ACOT7: variants seen among roughly 807,000 people sequenced by gnomAD.
ACOT7 encodes acyl-CoA thioesterase 7.
ACOT7 carries 12 observed loss-of-function variants against 40.2 expected under a neutral mutation model. The ratio of observed to expected loss-of-function variants is 0.30; its 90% CI spans 0.19 to 0.48. The LOEUF is 0.48. Among genes scored for constraint, ACOT7 ranks in the 20% least tolerant of loss-of-function variants. The pLI is 0.99. For missense variants in ACOT7, 395 were observed against 530.8 expected (o/e 0.74, Z 2.51); for synonymous variants, 228 against 219.5 (o/e 1.04, Z -0.34).
At chr1:6,302,112 G>A (rs1041408302) in intron 6 of ACOT7, among the ~76,000 whole-genome samples, 7 of 152,140 alleles carry the variant, frequency 4.6e-5, no homozygotes, top group Non-Finnish European at 7.3e-5. Context: ...CTAAGGACCC[G>A]GAACAGTGAC....
At chr1:6,300,435 G>C (rs139318151) in intron 6 of ACOT7, among the ~76,000 whole-genome samples, 35 of 151,798 alleles carry the variant, frequency 2.3e-4, no homozygotes, top group African/African-American at 8.5e-4. Context: ...GAGGCAGCCT[G>C]AGTCCATGAC....
intron 4 of ACOT7, among the ~76,000 whole-genome samples, chr1:6,327,842 C>T (rs542830860): frequency 5.1e-4 from 77 of 152,236 alleles, no homozygotes; most frequent in Admixed American, 7.8e-4. Context: ...GGCGTGATCT[C>T]AGCTCACTGC....
intron 2 of ACOT7, among the ~76,000 whole-genome samples, chr1:6,342,557 T>C (rs1035074895): frequency 6.6e-6 from 1 of 152,196 alleles, no homozygotes; most frequent in African/African-American, 2.4e-5. Flanking sequence ...CTCAAACTCC[T>C]CCTGGGCTCA....
chr1:6,280,503 C>T (rs542183591), intron 8 of ACOT7, among the ~76,000 whole-genome samples: 61 of 152,324 alleles, frequency 4.0e-4, no homozygotes, highest in African/African-American at 1.4e-3. Context: ...CCCCTGTGAA[C>T]GAGTGCGTGT....
At position 6,306,647 on chromosome 1, in the gene ACOT7, G is replaced by A. The variant is rs1640164780; in HGVS notation, c.713-11667C>T. The A allele has an allele frequency of 1.0e-6, 1 of 985,286 alleles. No homozygotes were observed. The highest frequency in any genetic ancestry group is 1.7e-5 in the African/African-American group (1 of 57,226). The allele number at this position is 985,286 out of a possible 1,614,324, so 61.0% of individuals were successfully genotyped here. ...CAGCCTGTGCCACTCAGCTTCACGA[G>A]GAAGAAAGCGGCGTCCCAAAGCATT... On this transcript the variant is annotated intron_variant, in intron 6 of 8. Transcript: ENST00000361521. This position sits in a 1 kb window ranked among gnomAD's most constrained non-coding sequence, Gnocchi z 4.3.
chr1:6,353,206 C>T (rs764385275), intron 1 of ACOT7, among the ~76,000 whole-genome samples: 23 of 151,832 alleles, frequency 1.5e-4, no homozygotes, highest in Non-Finnish European at 2.9e-4. Flanking sequence ...GGCGCAGTGG[C>T]TACTAGGGAG....
Position 6,393,387 on chromosome 1 carries a change from C to G in ACOT7, c.13G>C (p.Gly5Arg). MARP[G>R]LIHSAPGLPD... is the part of the protein sequence containing the mutation. ...AGGCCCGGCGCGGAATGAATGAGCCCGGGCCGCGCCATAAAGGGGGAGGGC... is the reference window on the plus strand; with the variant it reads ...AGGCCCGGCGCGGAATGAATGAGCCGGGGCCGCGCCATAAAGGGGGAGGGC... The change falls in exon 1 of 9, where the codon GGG becomes CGG. Residue 5 changes from glycine to arginine, a missense_variant. By Grantham distance (125) the Gly-to-Arg change is moderately radical. Around this residue, in one of 2 missense-constraint regions of ACOT7, gnomAD observed 86 missense variants for 60.5 expected, o/e 1.42. Transcript: ENST00000361521. 1 of 1,229,772 alleles carries G rather than the reference C, an allele frequency of 8.1e-7. No homozygotes were observed. Among genetic ancestry groups the G allele is most frequent in the Non-Finnish European group, 1.0e-6 (1 of 983,254 alleles). 76.2% of individuals were successfully genotyped at this position (1,229,772 alleles called of 1,614,324 possible). A position where few individuals can be genotyped will look rare whatever the true frequency, so the allele number is the denominator to read the frequency against.
rs796897736 is a variant in ACOT7 at position 6,388,780 on chromosome 1, C to T, written c.143+4477G>A. On this transcript the variant is annotated intron_variant, in intron 1 of 8. Transcript: ENST00000361521. Reference sequence around the variant, plus strand: ...AAGGCCGGGTGCGGTGGCTCACGCCCGTAATCCCAGCACTTTGGGAGGCCA... The same window carrying T: ...AAGGCCGGGTGCGGTGGCTCACGCCTGTAATCCCAGCACTTTGGGAGGCCA... Among the ~76,000 whole-genome samples the T allele has an allele frequency of 4.0e-4, 54 of 135,856 alleles. No individual in the cohort carries two copies. In the East Asian group the frequency reaches 0.01, roughly 26 times the overall value. 89.1% of individuals were successfully genotyped at this position (135,856 alleles called of 152,430 possible).
chr1:6,339,721 C>T, intron 2 of ACOT7, 132 bp from the exon 3 acceptor site: 15 of 980,422 alleles, frequency 1.5e-5, no homozygotes, highest in East Asian at 2.8e-5. Flanking sequence ...CAATGTATCA[C>T]CATTTATTGG....
Position 6,267,397 on chromosome 1 carries a change from G to A in ACOT7, c.1015-2702C>T, listed in dbSNP as rs183095007. 3.6e-3 allele frequency among the ~76,000 whole-genome samples: 556 copies of A among 152,342 alleles called. 5 individuals carry two copies. Among genetic ancestry groups the A allele is most frequent in the Non-Finnish European group, 2.1e-3 (142 of 68,034 alleles). On this transcript the variant is annotated intron_variant, in intron 8 of 8. Coordinates refer to ENST00000361521, the MANE Select transcript of ACOT7 (RefSeq NM_007274.4). ...ACCATGGGTGTCCTGGGGGGCTGGT[G>A]GGAATGGCCCGTCCAAGGCCAGGGC...
At chr1:6,348,351 C>T (rs761706100) in intron 2 of ACOT7, among the ~76,000 whole-genome samples, 5 of 152,166 alleles carry the variant, frequency 3.3e-5, no homozygotes, top group South Asian at 2.1e-4. Flanking sequence ...CACACACACA[C>T]GCACACACAC....
intron 1 of ACOT7, among the ~76,000 whole-genome samples, chr1:6,380,938 C>T (rs1305802522): frequency 6.6e-6 from 1 of 151,760 alleles, no homozygotes; most frequent in African/African-American, 2.4e-5. Context: ...AGAGTATAAA[C>T]ACATCCCACA....
chr1:6,272,845 G>A (rs1414531790), intron 8 of ACOT7, among the ~76,000 whole-genome samples: 3 of 152,212 alleles, frequency 2.0e-5, no homozygotes, highest in Admixed American at 6.5e-5. Flanking sequence ...GGGTCTAGCC[G>A]GGATGCTCCC....
rs1553161020 is a variant in ACOT7 at position 6,352,218 on chromosome 1, CACTT to C, written c.144-2356_144-2353del. 1 of 152,682 alleles carries C rather than the reference CACTT, an allele frequency of 6.5e-6. No homozygotes were observed. The highest frequency in any genetic ancestry group is 1.5e-5 in the Non-Finnish European group (1 of 68,398). 9.5% of individuals were successfully genotyped at this position (152,682 alleles called of 1,614,324 possible). A position where few individuals can be genotyped will look rare whatever the true frequency, so the allele number is the denominator to read the frequency against. ...AATGCACAAGGCTCAAAGCCCAACT[CACTT>C]ACCCCTTCTCCCTTTCCCCAAATCA... On this transcript the variant is annotated intron_variant, in intron 1 of 8. Coordinates refer to ENST00000361521, the MANE Select transcript of ACOT7 (RefSeq NM_007274.4). This position sits in a 1 kb window ranked among gnomAD's most constrained non-coding sequence, Gnocchi z 4.5.
intron 1 of ACOT7, among the ~76,000 whole-genome samples, chr1:6,366,183 C>G (rs1023906890): frequency 6.6e-6 from 1 of 152,042 alleles, no homozygotes; most frequent in Non-Finnish European, 1.5e-5. Flanking sequence ...GCCCGGCCTG[C>G]AGACTGATTA....
chr1:6,383,708 AT>A (rs1642391083), intron 1 of ACOT7, among the ~76,000 whole-genome samples: 2 of 147,406 alleles, frequency 1.4e-5, no homozygotes, highest in South Asian at 4.3e-4. Context: ...CATCTGGCTA[AT>A]TTTTTTTTCT....
At chr1:6,287,142 G>T (rs975534886) in intron 7 of ACOT7, among the ~76,000 whole-genome samples, 32 of 152,382 alleles carry the variant, frequency 2.1e-4, no homozygotes, top group African/African-American at 7.7e-4. Context: ...AGTGCACGGG[G>T]ACCAGGTGCA....
chr1:6,333,565 G>T lies in ACOT7; in HGVS notation c.422C>A (p.Ala141Asp). 1 of 1,614,164 alleles carries T rather than the reference G, an allele frequency of 6.2e-7. No individual in the cohort carries two copies. The highest frequency in any genetic ancestry group is 8.5e-7 in the Non-Finnish European group (1 of 1,179,998). ...GGTGGCCTTATTGGTCAGCTTTTTG[G>T]CACCTTAAGAGAAGAAAATCACATT... is the stretch of plus-strand genomic sequence containing the variant. ...NVMSENILTGAKKLTNKATLW... is the reference protein window; with the variant it reads ...NVMSENILTGDKKLTNKATLW... Residue 141 changes from alanine to aspartate, a missense_variant, in exon 4 of 9, where the codon GCC becomes GAC. By Grantham distance (126) the Ala-to-Asp change is moderately radical. Coordinates refer to ENST00000361521, the MANE Select transcript of ACOT7 (RefSeq NM_007274.4).
intron 2 of ACOT7, among the ~76,000 whole-genome samples, chr1:6,348,329 C>T (rs566722913): frequency 6.7e-6 from 1 of 149,806 alleles, no homozygotes; most frequent in South Asian, 2.1e-4. Context: ...CACATGCATA[C>T]GCAGATACAC....
Sources: allele counts gnomAD v4.1 joint callset (sites outside exome capture counted in the v4.1 genomes callset), GRCh38; gene constraint gnomAD v4.1.1; regional missense constraint gnomAD v4.1.1; non-coding constraint Gnocchi (gnomAD v3.1); transcripts MANE v1.5; gene names NCBI Gene and HGNC (gene_info 2026-07-23, HGNC 2026-07-21).